The following SPATA22 variants were observed in gnomAD, a reference collection of about 807,000 sequenced individuals.
SPATA22 encodes the protein spermatogenesis associated 22.
In SPATA22, 29 loss-of-function variants were observed where a neutral mutation model predicts 47.8. The observed-to-expected ratio is 0.61, with a 90% CI of 0.45 to 0.83. SPATA22 has a LOEUF of 0.83. SPATA22 is among the 40% of genes least tolerant of loss of function. SPATA22 has a pLI of 0.00. For synonymous variants in SPATA22, 133 were observed against 140.9 expected, an observed-to-expected ratio of 0.94 and a Z score of 0.40; for missense variants, 410 against 421.7, an observed-to-expected ratio of 0.97 and a Z score of 0.24.
chr17:3,481,564 C>T, intron 1 of SPATA22: 2 of 1,551,518 alleles, frequency 1.3e-6, no homozygotes, highest in Non-Finnish European at 1.8e-6. Context: ...TTATCTCAGG[C>T]ACAGATGTTG....
intron 1 of SPATA22, among the ~76,000 whole-genome samples, chr17:3,471,208 G>GT (rs1190890272): frequency 2.0e-5 from 3 of 152,014 alleles, no homozygotes; most frequent in Admixed American, 6.6e-5. Flanking sequence ...GGAAGGAAGG[G>GT]AAAGGAAAGG....
At chr17:3,454,864 G>T (rs2150710736) in intron 5 of SPATA22, among the ~76,000 whole-genome samples, 1 of 152,274 alleles carries the variant, frequency 6.6e-6, no homozygotes, top group South Asian at 2.1e-4. Flanking sequence ...AGATCCTTGA[G>T]GAATCGCCAC....
chr17:3,496,727 CT>C (rs2150761567), intron 1 of SPATA22, among the ~76,000 whole-genome samples: 1 of 152,338 alleles, frequency 6.6e-6, no homozygotes, highest in Admixed American at 6.5e-5. Flanking sequence ...TAAAGTAGCG[CT>C]TCTCAAACTT....
At chr17:3,474,730 C>T (rs1224950897), upstream of SPATA22, among the ~76,000 whole-genome samples, 1 of 152,052 alleles carries the variant, frequency 6.6e-6, no homozygotes, top group Non-Finnish European at 1.5e-5. Context: ...ATTTTTCCAC[C>T]ATGTATTTGG....
At chr17:3,470,419 G>A (rs2073401370) in intron 1 of SPATA22, among the ~76,000 whole-genome samples, 1 of 152,258 alleles carries the variant, frequency 6.6e-6, no homozygotes, top group African/African-American at 2.4e-5. Flanking sequence ...AAGTCAGGCC[G>A]AGGTGTTAAC....
chr17:3,478,755 C>G (rs539705230), intron 1 of SPATA22, among the ~76,000 whole-genome samples: 1 of 152,138 alleles, frequency 6.6e-6, no homozygotes, highest in Non-Finnish European at 1.5e-5. Context: ...ATTAACTTCT[C>G]CCATCCTGCC....
At chr17:3,450,842 T>C (rs532170925) in intron 5 of SPATA22, among the ~76,000 whole-genome samples, 2 of 152,320 alleles carry the variant, frequency 1.3e-5, no homozygotes, top group East Asian at 3.8e-4. Flanking sequence ...TTTGAAATAT[T>C]GCAAGAAGTA....
intron 8 of SPATA22, among the ~76,000 whole-genome samples, 187 bp downstream of exon 8, chr17:3,442,987 C>G (rs772203653): frequency 3.2e-4 from 48 of 151,890 alleles, no homozygotes; most frequent in African/African-American, 1.1e-3. Flanking sequence ...ATCCCTCAAA[C>G]CCAGCACAGT....
intron 1 of SPATA22, among the ~76,000 whole-genome samples, chr17:3,493,475 C>A (rs574232341): frequency 6.9e-6 from 1 of 144,252 alleles, no homozygotes; most frequent in Non-Finnish European, 1.5e-5. Context: ...GCAGGAGAAT[C>A]GCTTGAACCC....
At chr17:3,481,190 C>T (rs778315995) in intron 1 of SPATA22, among the ~76,000 whole-genome samples, 5 of 152,124 alleles carry the variant, frequency 3.3e-5, no homozygotes, top group Admixed American at 1.3e-4. Context: ...TATTTGTGCA[C>T]TAGAATTAGC....
At chr17:3,499,341 T>C in intron 1 of SPATA22, 1 of 311,026 alleles carries the variant, frequency 3.2e-6, no homozygotes, top group Non-Finnish European at 5.8e-6. Context: ...CTTGGGTAGC[T>C]CAACATTCTT....
chr17:3,494,358 T>G, intron 1 of SPATA22: 2 of 1,608,644 alleles, frequency 1.2e-6, no homozygotes, highest in Non-Finnish European at 1.7e-6. Flanking sequence ...AGGAAAAGAA[T>G]TTCCTCCCTG....
chr17:3,509,477 C>T (rs571669655), intron 1 of SPATA22, among the ~76,000 whole-genome samples: 1 of 152,290 alleles, frequency 6.6e-6, no homozygotes, highest in East Asian at 1.9e-4. Flanking sequence ...CATCCATGTT[C>T]CTACAAAAGA....
intron 5 of SPATA22, among the ~76,000 whole-genome samples, chr17:3,453,808 A>G (rs1236087853): frequency 1.4e-4 from 21 of 152,200 alleles, no homozygotes; most frequent in Admixed American, 1.4e-3. Context: ...CTACAAAAAA[A>G]TCTGAAACAT....
rs767487249 is a variant in SPATA22 at position 3,449,056 on chromosome 17, A to G, written c.423T>C (p.Asp141=). ...AACTCACTGGACAAGAATTTTTTCC[A>G]TCATTTGCCACTAAGTTTGTTCGTT... ...QCKRTNLVAN[D]GKNSCPVSSG... Residue 141 remains aspartate, a synonymous_variant, in exon 6 of 9, where the codon GAT becomes GAC. Transcript: ENST00000572969. The G allele has an allele frequency of 3.7e-6, 6 of 1,613,962 alleles. No individual in the cohort carries two copies. Among genetic ancestry groups the G allele is most frequent in the Admixed American group, 1.7e-5 (1 of 59,996 alleles).
intron 1 of SPATA22, chr17:3,481,607 A>C: frequency 6.2e-7 from 1 of 1,613,374 alleles, no homozygotes; most frequent in Non-Finnish European, 8.5e-7. Flanking sequence ...TAACAGCAAA[A>C]AAATGTCAGA....
upstream of SPATA22, among the ~76,000 whole-genome samples, chr17:3,473,267 A>G (rs139043326): frequency 1.4e-4 from 22 of 152,304 alleles, no homozygotes; most frequent in East Asian, 2.7e-3. Flanking sequence ...GTCAGGATGG[A>G]TCACAGGGAA....
At chr17:3,464,157 T>A (rs886301000) in intron 3 of SPATA22, among the ~76,000 whole-genome samples, 1 of 152,076 alleles carries the variant, frequency 6.6e-6, no homozygotes, top group African/African-American at 2.4e-5. Context: ...GTTTTCGTAT[T>A]TTTTTGGTGG....
At chr17:3,465,585 G>A (rs1000470293) in intron 3 of SPATA22, among the ~76,000 whole-genome samples, 4 of 151,266 alleles carry the variant, frequency 2.6e-5, no homozygotes, top group Admixed American at 6.6e-5. Flanking sequence ...AAGGCAGCAT[G>A]CTCGTTAAGA....
Sources: gnomAD v4.1 joint callset for allele counts (sites outside exome capture counted in the v4.1 genomes callset) on GRCh38, gnomAD v4.1.1 for gene constraint, MANE v1.5 for transcripts, NCBI Gene and HGNC (gene_info 2026-07-23, HGNC 2026-07-21) for gene names.